ACSS1: variants seen among roughly 807,000 people sequenced by gnomAD.
The protein encoded by ACSS1 is acetyl-coenzyme A synthetase 2-like, mitochondrial.
In ACSS1, 42 loss-of-function variants were observed where a neutral mutation model predicts 75.3. The ratio of observed to expected loss-of-function variants is 0.56; its 90% CI spans 0.44 to 0.72. ACSS1 has a LOEUF of 0.72. Among genes scored for constraint, ACSS1 ranks in the 30% least tolerant of loss-of-function variants. ACSS1 has a pLI of 0.00. For synonymous variants in ACSS1, 380 were observed against 376.8 expected (o/e 1.01, Z -0.10); for missense variants, 782 against 935.7 (o/e 0.84, Z 2.14).
chr20:25,012,518 C>T (rs1453880216), intron 12 of ACSS1, 83 bp downstream of exon 12: 1 of 1,527,820 alleles, frequency 6.5e-7, no homozygotes, highest in Non-Finnish European at 9.1e-7. Context: ...ACTCCACTCT[C>T]CAGAGTCTGC....
chr20:25,054,637 A>C lies in ACSS1; in HGVS notation c.334+3132T>G, dbSNP rs75701907. 1.5e-3 allele frequency among the ~76,000 whole-genome samples: 229 copies of C among 152,366 alleles called. 3 individuals are homozygous for C. The East Asian group carries it at 0.026, about 17-fold the overall frequency. Reference sequence around the variant, plus strand: ...AGCCCCAGGAGGTGCTTTGGGCCACAGTTCTGGCTGAAGCCAGCCTGCAAG... The same window carrying C: ...AGCCCCAGGAGGTGCTTTGGGCCACCGTTCTGGCTGAAGCCAGCCTGCAAG... On this transcript the variant is annotated intron_variant, in intron 1 of 13. Transcript: ENST00000323482.
chr20:25,043,668 C>G (rs978989794), intron 2 of ACSS1, among the ~76,000 whole-genome samples: 7 of 152,214 alleles, frequency 4.6e-5, no homozygotes, highest in African/African-American at 1.4e-4. Context: ...CAGGAAGGAA[C>G]AGCCACAGAA....
chr20:25,017,754 C>G (rs1441277309), intron 7 of ACSS1, among the ~76,000 whole-genome samples: 1 of 152,240 alleles, frequency 6.6e-6, no homozygotes, highest in African/African-American at 2.4e-5. Flanking sequence ...AGAGCACACC[C>G]CTTCCTGAAA....
chr20:25,035,118 A>G (rs1191058974), intron 2 of ACSS1, among the ~76,000 whole-genome samples: 1 of 150,192 alleles, frequency 6.7e-6, no homozygotes, highest in Non-Finnish European at 1.5e-5. Flanking sequence ...GATGATCTCA[A>G]TCTCCTGACC....
intron 1 of ACSS1, among the ~76,000 whole-genome samples, chr20:25,052,187 A>G (rs2089183613): frequency 1.3e-5 from 2 of 152,192 alleles, no homozygotes; most frequent in Admixed American, 6.5e-5. Flanking sequence ...GTGAGGAAGG[A>G]TGGAAAGGAG....
intron 3 of ACSS1, among the ~76,000 whole-genome samples, chr20:25,028,269 A>G (rs993228936): frequency 2.6e-5 from 4 of 152,362 alleles, no homozygotes; most frequent in African/African-American, 7.2e-5. Context: ...TAAAATTCCT[A>G]TGAAAATACA....
chr20:25,054,182 A>G (rs2089212448), intron 1 of ACSS1, among the ~76,000 whole-genome samples: 1 of 152,210 alleles, frequency 6.6e-6, no homozygotes, highest in Admixed American at 6.5e-5. Flanking sequence ...TGGGCAGGAT[A>G]CTGTGGAGCT....
Position 25,007,509 on chromosome 20 carries a change from G to A in ACSS1, c.*253C>T. Reference sequence around the variant, plus strand: ...GAGATGGCAATGCCTTTTCATTCCAGGAAACCAAACTCAGATGGCAGAACC... The same window carrying A: ...GAGATGGCAATGCCTTTTCATTCCAAGAAACCAAACTCAGATGGCAGAACC... On this transcript the variant is annotated 3_prime_UTR_variant, in exon 14 of 14. Coordinates refer to ENST00000323482, the MANE Select transcript of ACSS1 (RefSeq NM_032501.4). The A allele has an allele frequency of 7.6e-7, 1 of 1,316,942 alleles. No individual in the cohort carries two copies. Among genetic ancestry groups the A allele is most frequent in the Non-Finnish European group, 9.7e-7 (1 of 1,032,270 alleles). The allele number at this position is 1,316,942 out of a possible 1,614,324, so 81.6% of individuals were successfully genotyped here. A position where few individuals can be genotyped will look rare whatever the true frequency, so the allele number is the denominator to read the frequency against.
At chr20:25,055,304 T>C (rs956077269) in intron 1 of ACSS1, among the ~76,000 whole-genome samples, 2 of 152,184 alleles carry the variant, frequency 1.3e-5, no homozygotes, top group African/African-American at 4.8e-5. Context: ...CAGAATTCAG[T>C]TACATACGGC....
chr20:25,020,274 C>T, intron 6 of ACSS1, 127 bp from the exon 7 acceptor site: 3 of 1,252,714 alleles, frequency 2.4e-6, no homozygotes, highest in Non-Finnish European at 3.3e-6. Context: ...TGAAAGGGAT[C>T]CCCCCAACCC....
At chr20:25,039,251 CAG>C (rs2088963692) in intron 2 of ACSS1, among the ~76,000 whole-genome samples, 1 of 152,192 alleles carries the variant, frequency 6.6e-6, no homozygotes, top group Non-Finnish European at 1.5e-5. Context: ...CTGAAGGAGT[CAG>C]GGCAGGATTC....
chr20:25,043,141 G>A (rs1458567593), intron 2 of ACSS1, among the ~76,000 whole-genome samples: 2 of 151,784 alleles, frequency 1.3e-5, no homozygotes, highest in East Asian at 1.9e-4. Flanking sequence ...GCTCCTCCCC[G>A]TGCCATGTCC....
intron 1 of ACSS1, among the ~76,000 whole-genome samples, chr20:25,053,757 A>G (rs1011486184): frequency 2.6e-5 from 4 of 152,220 alleles, no homozygotes; most frequent in Admixed American, 1.3e-4. Flanking sequence ...ATCTCCAAAA[A>G]GCATCCAAGA....
chr20:25,021,639 G>GCC, intron 5 of ACSS1, 103 bp from the exon 6 acceptor site: 1 of 1,441,838 alleles, frequency 6.9e-7, no homozygotes, highest in Non-Finnish European at 9.3e-7. Flanking sequence ...GTCCATAGCT[G>GCC]TGAGAGGCAG....
intron 12 of ACSS1, chr20:25,011,416 G>C (rs2088406943): frequency 6.6e-6 from 1 of 152,252 alleles, no homozygotes; most frequent in Non-Finnish European, 1.5e-5. Context: ...GACATAGATG[G>C]GGCTTTCAAA....
chr20:25,017,238 G>T (rs1323338206), intron 7 of ACSS1, among the ~76,000 whole-genome samples: 3 of 152,194 alleles, frequency 2.0e-5, no homozygotes, highest in South Asian at 4.1e-4. Context: ...TTATGAAATT[G>T]AAAGTTTAAA....
At chr20:25,036,773 T>C (rs2088914161) in intron 2 of ACSS1, among the ~76,000 whole-genome samples, 2 of 151,972 alleles carry the variant, frequency 1.3e-5, no homozygotes, top group South Asian at 4.2e-4. Flanking sequence ...TGGCCAACCA[T>C]AGCAAAACCC....
intron 1 of ACSS1, 33 bp downstream of exon 1, chr20:25,057,736 G>A (rs62217194): frequency 0.22 from 329,333 of 1,522,178 alleles, 38,094 homozygotes; most frequent in Admixed American, 0.36. Context: ...CCCAAGAGTT[G>A]GGGGCGTCCT....
At chr20:25,028,969 T>C (rs1266187724) in intron 3 of ACSS1, among the ~76,000 whole-genome samples, 2 of 151,940 alleles carry the variant, frequency 1.3e-5, no homozygotes, top group Middle Eastern at 6.3e-3. Flanking sequence ...AGCATTAGAT[T>C]TGGCAATGTT....
Sources: allele counts gnomAD v4.1 joint callset (sites outside exome capture counted in the v4.1 genomes callset), GRCh38; gene constraint gnomAD v4.1.1; transcripts MANE v1.5; gene names NCBI Gene and HGNC (gene_info 2026-07-23, HGNC 2026-07-21).